XKR4: variants seen among roughly 807,000 people sequenced by gnomAD.
The protein encoded by XKR4 is XK related 4, also known as XK-related protein 4.
XKR4 carries 12 observed loss-of-function variants against 53.9 expected under a neutral mutation model. The observed-to-expected ratio is 0.22, with a 90% confidence interval of 0.14 to 0.36. XKR4 has a LOEUF of 0.36. XKR4 is among the 10% of genes least tolerant of loss of function. XKR4 has a pLI of 1.00. For synonymous variants in XKR4, 354 were observed against 362.4 expected (o/e 0.98, Z 0.26); for missense variants, 799 against 859.5 (o/e 0.93, Z 0.88).
At chr8:55,389,184 C>G (rs1693901312) in intron 2 of XKR4, among the ~76,000 whole-genome samples, 1 of 152,200 alleles carries the variant, frequency 6.6e-6, no homozygotes, top group East Asian at 1.9e-4. Flanking sequence ...TCCAGCACTT[C>G]CAAAGAGTGC....
intron 1 of XKR4, among the ~76,000 whole-genome samples, chr8:55,146,126 T>A (rs1213017267): frequency 6.6e-6 from 1 of 152,244 alleles, no homozygotes; most frequent in Non-Finnish European, 1.5e-5. Context: ...GCTATACCTT[T>A]TATGTTTCAT....
chr8:55,300,146 G>C (rs147806400), intron 1 of XKR4, among the ~76,000 whole-genome samples: 93 of 152,298 alleles, frequency 6.1e-4, no homozygotes, highest in Non-Finnish European at 1.2e-3. Flanking sequence ...GAAGCAGGTG[G>C]TTCAGTCGAA....
In XKR4 at chr8:55,102,504, G is replaced by A; in HGVS notation, c.16G>A (p.Asp6Asn). Residue 6 changes from aspartate (D) to asparagine (N), a missense_variant, in exon 1 of 3, where the codon GAC becomes AAC. Physicochemically the swap from Asp to Asn is conservative, Grantham distance 23 (BLOSUM62 1). Transcript: ENST00000327381. This position sits in a 1 kb window ranked among gnomAD's most constrained non-coding sequence, Gnocchi z 5.1. Reference protein sequence around the residue: MAAKSDGRLKMKKSSD... With the variant: MAAKSNGRLKMKKSSD... ...TGGAGGCATCATGGCCGCTAAATCA[G>A]ACGGGAGGCTGAAAATGAAGAAAAG... The A allele has an allele frequency of 1.9e-6, 3 of 1,548,690 alleles. No homozygotes were observed. Among genetic ancestry groups the A allele is most frequent in the African/African-American group, 1.4e-5 (1 of 70,304 alleles).
In XKR4 at chr8:55,514,248, C is replaced by CTT. The variant is rs71256544; in HGVS notation, c.1007-9013_1007-9012dup. On this transcript the variant is annotated intron_variant, in intron 2 of 2. Coordinates refer to ENST00000327381, the MANE Select transcript of XKR4 (RefSeq NM_052898.2). ...TGCTTGCTTGCTACATGCTGGGATT[C>CTT]TTTTTTTTTTTTTTTTTTTTTGAGA... Among the ~76,000 whole-genome samples, 284 of 108,876 alleles carry CTT rather than the reference C, an allele frequency of 2.6e-3. 2 individuals are homozygous for CTT. Among genetic ancestry groups the CTT allele is most frequent in the Non-Finnish European group, 3.4e-3 (178 of 52,968 alleles). 71.4% of individuals were successfully genotyped at this position (108,876 alleles called of 152,430 possible).
At position 55,441,231 on chromosome 8, in the gene XKR4, C is replaced by T. The variant is rs142511646; in HGVS notation, c.1007-82050C>T. Among the ~76,000 whole-genome samples the T allele has an allele frequency of 9.7e-3, 1,458 of 149,950 alleles. 23 individuals carry two copies. Among genetic ancestry groups the T allele is most frequent in the African/African-American group, 0.032 (1,342 of 41,364 alleles). On this transcript the variant is annotated intron_variant, in intron 2 of 2. Transcript: ENST00000327381. ...CTACAGCCTGGGTGACAGGGTAAGA[C>T]CCTGTCTCAAGAAAAAACATAAAAA...
intron 2 of XKR4, among the ~76,000 whole-genome samples, chr8:55,422,426 G>A (rs973307907): frequency 1.6e-4 from 25 of 152,206 alleles, no homozygotes; most frequent in African/African-American, 5.8e-4. Flanking sequence ...GGAGTGGGGA[G>A]GCTGAGGGAG....
intron 2 of XKR4, among the ~76,000 whole-genome samples, chr8:55,516,316 T>G (rs1806713573): frequency 6.6e-6 from 1 of 152,180 alleles, no homozygotes; most frequent in Non-Finnish European, 1.5e-5. Context: ...TACTTAGAAA[T>G]TATGCCTTTA....
At chr8:55,278,052 C>T (rs1818788299) in intron 1 of XKR4, among the ~76,000 whole-genome samples, 1 of 152,084 alleles carries the variant, frequency 6.6e-6, no homozygotes, top group Non-Finnish European at 1.5e-5. Context: ...AGCATACATC[C>T]AGTCAGGTGC....
intron 2 of XKR4, among the ~76,000 whole-genome samples, chr8:55,462,979 T>C (rs1805687571): frequency 1.3e-5 from 2 of 152,040 alleles, no homozygotes; most frequent in Non-Finnish European, 2.9e-5. Context: ...ATAAAGCAAG[T>C]CCTTAGTGAC....
chr8:55,418,497 C>T (rs1804881855), intron 2 of XKR4, among the ~76,000 whole-genome samples: 1 of 152,158 alleles, frequency 6.6e-6, no homozygotes. Context: ...TGCGTCTCAC[C>T]CCCTCCGCTG....
chr8:55,148,520 A>C (rs1378600212), intron 1 of XKR4, among the ~76,000 whole-genome samples: 2 of 152,166 alleles, frequency 1.3e-5, no homozygotes, highest in African/African-American at 4.8e-5. Flanking sequence ...CTAGAATGCA[A>C]TGAGGGCTTT....
At chr8:55,296,164 G>A (rs1027521017) in intron 1 of XKR4, among the ~76,000 whole-genome samples, 1 of 152,148 alleles carries the variant, frequency 6.6e-6, no homozygotes, top group African/African-American at 2.4e-5. Flanking sequence ...TGACTGCTCT[G>A]TCCAACAGCA....
chr8:55,109,401 G>T lies in XKR4; in HGVS notation c.806+6107G>T, dbSNP rs776577097. On this transcript the variant is annotated intron_variant, in intron 1 of 2. Coordinates refer to ENST00000327381, the MANE Select transcript of XKR4 (RefSeq NM_052898.2). ...AATTTTCGTGCAACACTATAATTGTGCCACTTTAAAATCTATTCGTTGGTT... is the reference window on the plus strand; with the variant it reads ...AATTTTCGTGCAACACTATAATTGTTCCACTTTAAAATCTATTCGTTGGTT... 9.9e-4 allele frequency among the ~76,000 whole-genome samples: 151 copies of T among 152,148 alleles called. 1 individual carries two copies. Among genetic ancestry groups the T allele is most frequent in the Non-Finnish European group, 1.9e-3 (129 of 68,016 alleles).
chr8:55,251,198 A>G (rs1473048152), intron 1 of XKR4, among the ~76,000 whole-genome samples: 4 of 152,214 alleles, frequency 2.6e-5, no homozygotes. Flanking sequence ...GTGTAGGTGT[A>G]GGTATAATAG....
rs976104368 is a variant in XKR4, at chr8:55,449,466, C to G, written c.1007-73815C>G. ...GGCTGCCCTGCCCACCCCTAGTGGT[C>G]GGTAACGACTGGAAGCAGAGCAGCC... On this transcript the variant is annotated intron_variant, in intron 2 of 2. Transcript: ENST00000327381. The G allele has an allele frequency of 8.5e-6, 8 of 942,766 alleles. No individual in the cohort carries two copies. The African/African-American group carries it at 1.3e-4, about 15-fold the overall frequency. The allele number at this position is 942,766 out of a possible 1,614,324, so 58.4% of individuals were successfully genotyped here. A position where few individuals can be genotyped will look rare whatever the true frequency, so the allele number is the denominator to read the frequency against.
chr8:55,469,807 TG>T (rs1805843794), intron 2 of XKR4, among the ~76,000 whole-genome samples: 1 of 152,106 alleles, frequency 6.6e-6, no homozygotes, highest in Non-Finnish European at 1.5e-5. Context: ...AAGATTTGAA[TG>T]GTTTTCTATT....
chr8:55,296,322 A>G (rs746012116), intron 1 of XKR4, among the ~76,000 whole-genome samples: 3 of 152,220 alleles, frequency 2.0e-5, no homozygotes, highest in Admixed American at 6.5e-5. Flanking sequence ...ACTGCTAGTG[A>G]GGCTGCAAAA....
At chr8:55,380,147 T>C (rs773615284) in intron 2 of XKR4, among the ~76,000 whole-genome samples, 1 of 152,240 alleles carries the variant, frequency 6.6e-6, no homozygotes, top group Non-Finnish European at 1.5e-5. Context: ...AGAGACTGAC[T>C]TGAGAAACAT....
chr8:55,503,758 T>C (rs963228855), intron 2 of XKR4, among the ~76,000 whole-genome samples: 1 of 152,174 alleles, frequency 6.6e-6, no homozygotes, highest in African/African-American at 2.4e-5. Context: ...GTTGCAAAAG[T>C]GGGCATCCTT....
Sources: allele counts gnomAD v4.1 joint callset (sites outside exome capture counted in the v4.1 genomes callset), GRCh38; gene constraint gnomAD v4.1.1; non-coding constraint Gnocchi (gnomAD v3.1); transcripts MANE v1.5; gene names NCBI Gene and HGNC (gene_info 2026-07-23, HGNC 2026-07-21).